PKNOX2: variants seen among roughly 807,000 people sequenced by gnomAD.
PKNOX2 encodes the protein homeobox protein PKNOX2.
PKNOX2 carries 14 observed loss-of-function variants against 53.1 expected under a neutral mutation model. The observed-to-expected ratio is 0.26, with a 90% CI of 0.17 to 0.41. The LOEUF (loss-of-function observed/expected upper bound fraction) is 0.41. Among genes scored for constraint, PKNOX2 ranks in the 10% least tolerant of loss-of-function variants. PKNOX2 has a pLI of 1.00. For missense variants in PKNOX2, 496 were observed against 602.8 expected, an observed-to-expected ratio of 0.82 and a Z score of 1.85; for synonymous variants, 257 against 242.8, an observed-to-expected ratio of 1.06 and a Z score of -0.54.
intron 1 of PKNOX2, among the ~76,000 whole-genome samples, chr11:125,197,653 A>C (rs664385): frequency 0.24 from 35,685 of 148,556 alleles, 4,597 homozygotes; most frequent in Admixed American, 0.33. Context: ...AAAGCAGAGG[A>C]AAAACAACAA....
intron 10 of PKNOX2, among the ~76,000 whole-genome samples, chr11:125,416,366 T>C (rs1203451545): frequency 6.6e-6 from 1 of 151,372 alleles, no homozygotes; most frequent in South Asian, 2.1e-4. Context: ...GGAACTAATC[T>C]GTCCACGAGA....
At chr11:125,273,554 C>G (rs536918356) in intron 2 of PKNOX2, among the ~76,000 whole-genome samples, 1 of 152,060 alleles carries the variant, frequency 6.6e-6, no homozygotes, top group Non-Finnish European at 1.5e-5. Flanking sequence ...GGGGAAAATG[C>G]CTTGTGGTTT....
At chr11:125,275,330 G>A (rs1389315032) in intron 2 of PKNOX2, among the ~76,000 whole-genome samples, 2 of 152,128 alleles carry the variant, frequency 1.3e-5, no homozygotes, top group Non-Finnish European at 2.9e-5. Context: ...TCTCTGGGGT[G>A]GACCTGAGCC....
chr11:125,260,306 C>T (rs1944745483), intron 2 of PKNOX2, among the ~76,000 whole-genome samples: 1 of 152,180 alleles, frequency 6.6e-6, no homozygotes, highest in South Asian at 2.1e-4. Context: ...TCAAGCGATT[C>T]TCCTGCCTCA....
intron 6 of PKNOX2, among the ~76,000 whole-genome samples, chr11:125,397,322 T>C (rs1351858213): frequency 6.6e-6 from 1 of 152,220 alleles, no homozygotes; most frequent in African/African-American, 2.4e-5. Context: ...TGTTTAAGAA[T>C]AGACAGTCCC....
At chr11:125,207,027 G>A (rs1208982017) in intron 1 of PKNOX2, among the ~76,000 whole-genome samples, 5 of 15,884 alleles carry the variant, frequency 3.1e-4, no homozygotes, top group African/African-American at 9.9e-4. Context: ...TCAGGTGGCG[G>A]GGGGTGAGGG....
intron 1 of PKNOX2, among the ~76,000 whole-genome samples, chr11:125,188,442 C>T (rs745927447): frequency 2.0e-5 from 3 of 152,182 alleles, no homozygotes; most frequent in Non-Finnish European, 2.9e-5. Flanking sequence ...GCAACCTTCA[C>T]GAGTGTGCCA....
chr11:125,303,089 G>C (rs1396332565), intron 2 of PKNOX2, among the ~76,000 whole-genome samples: 3 of 152,150 alleles, frequency 2.0e-5, no homozygotes, highest in African/African-American at 7.2e-5. Flanking sequence ...TGGGTGCTGA[G>C]AGCCAGGTGG....
intron 2 of PKNOX2, among the ~76,000 whole-genome samples, chr11:125,255,563 C>T (rs573770855): frequency 1.3e-5 from 2 of 152,348 alleles, no homozygotes; most frequent in East Asian, 3.9e-4. Flanking sequence ...AACAAGGCCC[C>T]AGCCCTCAAG....
intron 2 of PKNOX2, among the ~76,000 whole-genome samples, chr11:125,315,438 C>T (rs1949117376): frequency 6.6e-6 from 1 of 152,148 alleles, no homozygotes; most frequent in South Asian, 2.1e-4. Context: ...CTACCTTGGA[C>T]CACTTGGACT....
intron 3 of PKNOX2, among the ~76,000 whole-genome samples, chr11:125,338,647 C>G (rs1298268551): frequency 1.3e-5 from 2 of 152,180 alleles, no homozygotes; most frequent in East Asian, 3.8e-4. Flanking sequence ...CAGGCTTGAC[C>G]CTGGAAGACC....
intron 2 of PKNOX2, among the ~76,000 whole-genome samples, chr11:125,259,831 C>A (rs370119777): frequency 6.6e-6 from 1 of 152,090 alleles, no homozygotes; most frequent in African/African-American, 2.4e-5. Flanking sequence ...ACTGTCCTAA[C>A]CCCATCCTAA....
chr11:125,404,018 G>T (rs183479329), intron 7 of PKNOX2, among the ~76,000 whole-genome samples: 7 of 152,274 alleles, frequency 4.6e-5, no homozygotes, highest in Admixed American at 3.9e-4. Context: ...GGGGGCGGAA[G>T]GGGTAGGGGG....
intron 10 of PKNOX2, among the ~76,000 whole-genome samples, chr11:125,425,784 C>A (rs140692984): frequency 6.6e-6 from 1 of 152,214 alleles, no homozygotes; most frequent in African/African-American, 2.4e-5. Context: ...TGGTCTGAGG[C>A]GTGTACGAGC....
chr11:125,189,403 GTATATATATA>G (rs1269187772), intron 1 of PKNOX2, among the ~76,000 whole-genome samples: 9 of 84,958 alleles, frequency 1.1e-4, no homozygotes, highest in African/African-American at 3.7e-4. Flanking sequence ...ATATATGTGT[GTATATATATA>G]TGTGTGTGTG....
Position 125,341,790 on chromosome 11 carries a change from C to A in PKNOX2, c.-22-9494C>A, listed in dbSNP as rs7952082. ...CACGAGAGCATCTTAGGTTGGGCGA[C>A]GGAGGGAGTATCTGCTGGGGTGCGA... On this transcript the variant is annotated intron_variant, in intron 3 of 12. Coordinates refer to ENST00000298282, the MANE Select transcript of PKNOX2 (RefSeq NM_001382323.2). Among the ~76,000 whole-genome samples, 638 of 152,338 alleles carry A rather than the reference C, an allele frequency of 4.2e-3. 4 individuals are homozygous for A. Among genetic ancestry groups the A allele is most frequent in the African/African-American group, 0.014 (599 of 41,548 alleles).
chr11:125,339,527 TG>T (rs1454374958), intron 3 of PKNOX2, among the ~76,000 whole-genome samples: 1 of 152,184 alleles, frequency 6.6e-6, no homozygotes, highest in Admixed American at 6.5e-5. Context: ...CAGCTGTGGG[TG>T]GTCCCTGGAA....
chr11:125,257,705 G>A (rs961775510), intron 2 of PKNOX2, among the ~76,000 whole-genome samples: 4 of 152,224 alleles, frequency 2.6e-5, no homozygotes, highest in Admixed American at 2.0e-4. Flanking sequence ...CAAGGACTTA[G>A]TGAAGGGTAG....
At chr11:125,430,941 G>C (rs1956672074) in intron 12 of PKNOX2, among the ~76,000 whole-genome samples, 1 of 152,252 alleles carries the variant, frequency 6.6e-6, no homozygotes, top group African/African-American at 2.4e-5. Flanking sequence ...AATGTGCAGT[G>C]AACGGTGGCT....
Sources: gnomAD v4.1 joint callset for allele counts (sites outside exome capture counted in the v4.1 genomes callset) on GRCh38, gnomAD v4.1.1 for gene constraint, MANE v1.5 for transcripts, NCBI Gene and HGNC (gene_info 2026-07-23, HGNC 2026-07-21) for gene names.